The following BICRA variants were observed in gnomAD, a reference collection of about 807,000 sequenced individuals.
BICRA encodes BRD4-interacting chromatin-remodeling complex-associated protein.
BICRA carries 31 observed loss-of-function variants against 96.9 expected under a neutral mutation model. The observed-to-expected ratio is 0.32, with a 90% CI of 0.24 to 0.43. BICRA has a LOEUF of 0.43. BICRA is among the 20% of genes least tolerant of loss of function. The probability of loss-of-function intolerance (pLI) is 1.00; values close to 1 mark genes in which losing one functional copy is unlikely to be tolerated. For missense variants in BICRA, 2,283 were observed against 2,190.3 expected (o/e 1.04, Z -0.84); for synonymous variants, 1,350 against 1,071.8 (o/e 1.26, Z -5.07).
intron 1 of BICRA, among the ~76,000 whole-genome samples, chr19:47,664,310 G>T (rs79485216): frequency 1.3e-5 from 2 of 152,150 alleles, no homozygotes; most frequent in African/African-American, 2.4e-5. Flanking sequence ...GCAAAACTCC[G>T]ATTGCATTAC....
intron 1 of BICRA, among the ~76,000 whole-genome samples, chr19:47,647,907 G>A (rs11672709): frequency 6.7e-6 from 1 of 149,252 alleles, no homozygotes; most frequent in Non-Finnish European, 1.5e-5. Context: ...GGAGTGGGGG[G>A]CCGTTTGGCA....
chr19:47,645,084 C>T (rs1356562187), intron 1 of BICRA, among the ~76,000 whole-genome samples: 2 of 152,180 alleles, frequency 1.3e-5, no homozygotes, highest in African/African-American at 4.8e-5. Context: ...AGCCACTCTC[C>T]GTATTCTGGC....
intron 1 of BICRA, among the ~76,000 whole-genome samples, chr19:47,667,120 G>A (rs986053757): frequency 4.6e-5 from 7 of 151,374 alleles, no homozygotes; most frequent in Admixed American, 1.3e-4. Flanking sequence ...CCGGGTTCAC[G>A]CCATTCTCCT....
At chr19:47,685,735 C>T (rs2123595333) in intron 7 of BICRA, among the ~76,000 whole-genome samples, 1 of 129,156 alleles carries the variant, frequency 7.7e-6, no homozygotes, top group East Asian at 2.6e-4. Flanking sequence ...ATGGATTTGG[C>T]AGCCTCTGTG....
chr19:47,681,775 C>G (rs1973065349), intron 6 of BICRA, among the ~76,000 whole-genome samples: 1 of 152,134 alleles, frequency 6.6e-6, no homozygotes, highest in Non-Finnish European at 1.5e-5. Flanking sequence ...CAACGTGGAG[C>G]TGGCAGAGGG....
intron 1 of BICRA, among the ~76,000 whole-genome samples, chr19:47,638,518 A>G (rs1972333894): frequency 6.6e-6 from 1 of 152,012 alleles, no homozygotes; most frequent in Non-Finnish European, 1.5e-5. Context: ...CAGAGGCAAC[A>G]TGGTTAGGAT....
intron 7 of BICRA, among the ~76,000 whole-genome samples, chr19:47,685,056 G>T (rs910671733): frequency 6.6e-6 from 1 of 151,800 alleles, no homozygotes; most frequent in Non-Finnish European, 1.5e-5. Context: ...TACAACCTCC[G>T]CCTCCCATGC....
intron 1 of BICRA, among the ~76,000 whole-genome samples, chr19:47,667,306 C>T (rs981541627): frequency 3.3e-5 from 5 of 152,214 alleles, no homozygotes; most frequent in Admixed American, 2.0e-4. Flanking sequence ...TGAGCCACAG[C>T]GCCTGGCCCT....
intron 1 of BICRA, among the ~76,000 whole-genome samples, chr19:47,642,670 C>A (rs571064748): frequency 6.6e-6 from 1 of 152,150 alleles, no homozygotes; most frequent in South Asian, 2.1e-4. Flanking sequence ...CTACTGCACT[C>A]CAGCCTGGGT....
intron 1 of BICRA, among the ~76,000 whole-genome samples, chr19:47,669,861 T>G (rs1238877492): frequency 6.6e-6 from 1 of 151,948 alleles, no homozygotes; most frequent in Admixed American, 6.5e-5. Context: ...TTTCACCGGG[T>G]TAGCCAGGAT....
chr19:47,634,576 A>G (rs1230755537), intron 1 of BICRA, among the ~76,000 whole-genome samples: 4 of 152,120 alleles, frequency 2.6e-5, no homozygotes, highest in East Asian at 1.9e-4. Context: ...GTTCAATACC[A>G]TGCTCCTGAT....
rs745689825 is a variant in BICRA, at chr19:47,680,098, G to T, written c.928G>T (p.Ala310Ser). 3 of 1,548,216 alleles carry T rather than the reference G, an allele frequency of 1.9e-6. No individual in the cohort carries two copies. Among genetic ancestry groups the T allele is most frequent in the Non-Finnish European group, 2.6e-6 (3 of 1,158,596 alleles). ...CAATGGGAACTCTGTGTTCGGAGGC[G>T]CGGGGGCCGCCTCGGCTCCCACCGG... is the stretch of plus-strand genomic sequence containing the variant. ...TLNGNSVFGG[A>S]GAASAPTGTP... The change falls in exon 6 of 15, where the codon GCG becomes TCG. Residue 310 changes from alanine (A) to serine (S), a missense_variant. Coordinates refer to ENST00000594866, the MANE Select transcript of BICRA (RefSeq NM_001394372.1).
At position 47,694,261 on chromosome 19, in the gene BICRA, G is replaced by A. The variant is rs539694123; in HGVS notation, c.2430G>A (p.Val810=). ...PSRPPSRPQS[V]SRPPSEPPLH... ...GCCCACCCTCCCGGCCACAGAGTGT[G>A]TCCCGCCCTCCCTCAGAGCCACCCT... is the stretch of plus-strand genomic sequence containing the variant. Residue 810 remains valine (V), a synonymous_variant, in exon 8 of 15, where the codon GTG becomes GTA. Coordinates refer to ENST00000594866, the MANE Select transcript of BICRA (RefSeq NM_001394372.1). 6 of 706,972 alleles carry A rather than the reference G, an allele frequency of 8.5e-6. No homozygotes were observed. Among genetic ancestry groups the A allele is most frequent in the African/African-American group, 2.2e-5 (1 of 46,370 alleles). The allele number at this position is 706,972 out of a possible 1,614,324, so 43.8% of individuals were successfully genotyped here. A position where few individuals can be genotyped will look rare whatever the true frequency, so the allele number is the denominator to read the frequency against.
chr19:47,695,823 G>A (rs1450900177), intron 10 of BICRA, among the ~76,000 whole-genome samples: 1 of 152,126 alleles, frequency 6.6e-6, no homozygotes. Context: ...CAGGAAAGGC[G>A]GGTTTAGATG....
intron 1 of BICRA, among the ~76,000 whole-genome samples, chr19:47,661,245 A>G (rs1030592967): frequency 1.3e-5 from 2 of 150,174 alleles, no homozygotes; most frequent in Non-Finnish European, 3.0e-5. Flanking sequence ...AGTACTTAGT[A>G]AGCATTCAGC....
At chr19:47,612,483 C>T (rs1216403680) in intron 1 of BICRA, among the ~76,000 whole-genome samples, 1 of 151,938 alleles carries the variant, frequency 6.6e-6, no homozygotes, top group Non-Finnish European at 1.5e-5. Flanking sequence ...CAGAAGAATT[C>T]CCTGTGGTCT....
intron 1 of BICRA, among the ~76,000 whole-genome samples, chr19:47,635,700 G>C (rs2123528509): frequency 1.1e-5 from 1 of 90,886 alleles, no homozygotes; most frequent in East Asian, 8.2e-4. Flanking sequence ...GTGGAATCAT[G>C]TGATATTTGT....
rs538008738 is a variant in BICRA at position 47,667,020 on chromosome 19, T to C, written c.-107-3423T>C. The stretch of plus-strand genomic sequence containing the variant: ...CAGGAAGTTCCCGTTCATGTCTTTT[T>C]TCTTTTTTTTTTTTTTGAGACGGAG... On this transcript the variant is annotated intron_variant, in intron 1 of 14. Transcript: ENST00000594866. 3.3e-5 allele frequency among the ~76,000 whole-genome samples: 5 copies of C among 151,676 alleles called. No individual in the cohort carries two copies. In the East Asian group the frequency reaches 9.8e-4, roughly 30 times the overall value.
Position 47,702,424 on chromosome 19 carries a change from C to T in BICRA, c.*9C>T, listed in dbSNP as rs766980235. The T allele has an allele frequency of 2.0e-5, 29 of 1,481,444 alleles. No individual in the cohort carries two copies. The South Asian group carries it at 2.0e-4, about 10-fold the overall frequency. The allele number at this position is 1,481,444 out of a possible 1,614,324, so 91.8% of individuals were successfully genotyped here. A position where few individuals can be genotyped will look rare whatever the true frequency, so the allele number is the denominator to read the frequency against. On this transcript the variant is annotated 3_prime_UTR_variant, in exon 15 of 15. Transcript: ENST00000594866. ...GGACGTTGACCAGATAACACCGGGCCGCCTCCCCTTCCCCGTCCCCTCCTC... is the reference window on the plus strand; with the variant it reads ...GGACGTTGACCAGATAACACCGGGCTGCCTCCCCTTCCCCGTCCCCTCCTC...
Sources: allele counts gnomAD v4.1 joint callset (sites outside exome capture counted in the v4.1 genomes callset), GRCh38; gene constraint gnomAD v4.1.1; transcripts MANE v1.5; gene names NCBI Gene and HGNC (gene_info 2026-07-23, HGNC 2026-07-21).